The following TRDN variants were observed in gnomAD, a reference collection of about 807,000 sequenced individuals.
TRDN encodes the protein triadin in skeletal muscle.
A neutral mutation model predicts 149.7 loss-of-function variants in TRDN; 161 were observed. The ratio of observed to expected loss-of-function variants is 1.08; its 90% CI spans 0.95 to 1.23. The LOEUF (loss-of-function observed/expected upper bound fraction) is 1.23, where lower values mean the gene tolerates loss of function less well. Ranked by LOEUF, TRDN falls within the 50% of genes most tolerant of loss-of-function variation. TRDN has a pLI of 0.00. For synonymous variants in TRDN, 294 were observed against 250.5 expected, an observed-to-expected ratio of 1.17 and a Z score of -1.64; for missense variants, 896 against 823.5, an observed-to-expected ratio of 1.09 and a Z score of -1.08.
chr6:123,575,184 G>A (rs938863675), intron 1 of TRDN, among the ~76,000 whole-genome samples: 1 of 151,586 alleles, frequency 6.6e-6, no homozygotes, highest in African/African-American at 2.4e-5. Context: ...AATATGTTCT[G>A]AGTATACAAC....
chr6:123,432,168 C>T (rs1774363609), intron 12 of TRDN, among the ~76,000 whole-genome samples: 1 of 152,054 alleles, frequency 6.6e-6, no homozygotes, highest in Non-Finnish European at 1.5e-5. Flanking sequence ...ATGAATGATC[C>T]TTAAAGAGCT....
chr6:123,320,232 C>T (rs1779192565), intron 23 of TRDN, among the ~76,000 whole-genome samples: 2 of 151,300 alleles, frequency 1.3e-5, no homozygotes, highest in Non-Finnish European at 2.9e-5. Context: ...TTATTTTGCA[C>T]CAATGACACT....
Position 123,216,802 on chromosome 6 carries a change from G to A in TRDN, c.*1799C>T, listed in dbSNP as rs1480864146. The A allele has an allele frequency of 6.6e-6, 1 of 151,702 alleles. No homozygotes were observed. Among genetic ancestry groups the A allele is most frequent in the African/African-American group, 2.4e-5 (1 of 41,326 alleles). 9.4% of individuals were successfully genotyped at this position (151,702 alleles called of 1,614,324 possible). A position where few individuals can be genotyped will look rare whatever the true frequency, so the allele number is the denominator to read the frequency against. ...GAATCTAATTTATTATATTTTTCTTGTACAATACAGCACCTAACACAGCGC... is the reference window on the plus strand; with the variant it reads ...GAATCTAATTTATTATATTTTTCTTATACAATACAGCACCTAACACAGCGC... On this transcript the variant is annotated 3_prime_UTR_variant, in exon 41 of 41. Transcript: ENST00000334268.
intron 1 of TRDN, among the ~76,000 whole-genome samples, chr6:123,594,286 A>G (rs903006212): frequency 9.2e-5 from 14 of 152,062 alleles, no homozygotes; most frequent in African/African-American, 3.4e-4. Flanking sequence ...TAACCCTATT[A>G]TTTTTACCTT....
At chr6:123,323,937 G>A (rs1286205196) in intron 23 of TRDN, among the ~76,000 whole-genome samples, 1 of 152,142 alleles carries the variant, frequency 6.6e-6, no homozygotes, top group Non-Finnish European at 1.5e-5. Flanking sequence ...ATAATTGGAG[G>A]TGGCTGCATG....
intron 19 of TRDN, among the ~76,000 whole-genome samples, chr6:123,370,069 A>T (rs1781263971): frequency 6.6e-6 from 1 of 152,166 alleles, no homozygotes; most frequent in Non-Finnish European, 1.5e-5. Context: ...ATATAAACAG[A>T]AGGCATATAA....
chr6:123,498,255 A>G (rs1344896279), intron 8 of TRDN: 1 of 191,206 alleles, frequency 5.2e-6, no homozygotes, highest in East Asian at 1.2e-4. Context: ...CAAATTATGC[A>G]TATCAAACAT....
chr6:123,582,013 C>T (rs992892147), intron 1 of TRDN, among the ~76,000 whole-genome samples: 2 of 152,098 alleles, frequency 1.3e-5, no homozygotes, highest in African/African-American at 4.8e-5. Flanking sequence ...GTGACCAAGG[C>T]CCAAGGCACA....
chr6:123,361,318 T>C (rs2114339519), intron 20 of TRDN, among the ~76,000 whole-genome samples: 1 of 151,548 alleles, frequency 6.6e-6, no homozygotes, highest in East Asian at 2.0e-4. Flanking sequence ...CACACATAAG[T>C]GGGAGTGGAA....
In TRDN at chr6:123,473,857, G is replaced by A. The variant is rs567833380; in HGVS notation, c.854-8874C>T. On this transcript the variant is annotated intron_variant, in intron 9 of 40. Transcript: ENST00000334268. Reference sequence around the variant, plus strand: ...TCCAGCCAAACTAAGCTTCATAAGCGAACGAGAAATAAAATACTTTACAGA... The same window carrying A: ...TCCAGCCAAACTAAGCTTCATAAGCAAACGAGAAATAAAATACTTTACAGA... Among the ~76,000 whole-genome samples, 20 of 151,694 alleles carry A rather than the reference G, an allele frequency of 1.3e-4. No homozygotes were observed. In the East Asian group the frequency reaches 2.3e-3, roughly 18 times the overall value.
intron 12 of TRDN, chr6:123,418,422 A>G (rs968023134): frequency 2.0e-5 from 3 of 152,146 alleles, no homozygotes; most frequent in African/African-American, 7.2e-5. Context: ...TTTAGAAATA[A>G]AAATTCAGGA....
At chr6:123,314,885 T>A (rs773148950) in intron 24 of TRDN, among the ~76,000 whole-genome samples, 1 of 151,952 alleles carries the variant, frequency 6.6e-6, no homozygotes, top group Non-Finnish European at 1.5e-5. Flanking sequence ...AAAAAATAAC[T>A]AATGGATATT....
intron 26 of TRDN, among the ~76,000 whole-genome samples, chr6:123,276,627 G>A (rs1426532462): frequency 6.6e-6 from 1 of 152,110 alleles, no homozygotes; most frequent in Non-Finnish European, 1.5e-5. Flanking sequence ...TGCTAAAGAG[G>A]TTAGATGTAT....
chr6:123,319,967 A>T (rs1779181721), intron 23 of TRDN, among the ~76,000 whole-genome samples: 1 of 152,114 alleles, frequency 6.6e-6, no homozygotes, highest in Admixed American at 6.6e-5. Flanking sequence ...CTTAAGTCAG[A>T]AGGGCAGCAG....
intron 24 of TRDN, among the ~76,000 whole-genome samples, chr6:123,293,157 T>C (rs1778072235): frequency 6.6e-6 from 1 of 152,170 alleles, no homozygotes; most frequent in Non-Finnish European, 1.5e-5. Context: ...ATGGCTTACT[T>C]GGAAAATCAC....
At chr6:123,556,014 A>T (rs1781636185) in intron 2 of TRDN, among the ~76,000 whole-genome samples, 1 of 152,140 alleles carries the variant, frequency 6.6e-6, no homozygotes, top group Non-Finnish European at 1.5e-5. Flanking sequence ...GATAAAATAA[A>T]TTTTTATTTA....
chr6:123,438,171 A>G, intron 11 of TRDN, 49 bp from the exon 12 acceptor site: 4 of 1,389,748 alleles, frequency 2.9e-6, no homozygotes, highest in Non-Finnish European at 3.9e-6. Flanking sequence ...TTAACTTGCA[A>G]ATATTTCAGG....
At chr6:123,520,861 G>A (rs556337005) in intron 5 of TRDN, among the ~76,000 whole-genome samples, 97 of 152,148 alleles carry the variant, frequency 6.4e-4, no homozygotes, top group African/African-American at 2.2e-3. Context: ...TTTCATGATT[G>A]CCAGAGAGGG....
At chr6:123,461,228 C>A (rs900984647) in intron 10 of TRDN, among the ~76,000 whole-genome samples, 3 of 152,118 alleles carry the variant, frequency 2.0e-5, no homozygotes, top group African/African-American at 4.8e-5. Context: ...AAAGACCATG[C>A]AACTCATTAG....
Sources: allele counts gnomAD v4.1 joint callset (sites outside exome capture counted in the v4.1 genomes callset), GRCh38; gene constraint gnomAD v4.1.1; transcripts MANE v1.5; gene names NCBI Gene and HGNC (gene_info 2026-07-23, HGNC 2026-07-21).